Variants in KIF13B observed in about 807,000 individuals in gnomAD.
KIF13B encodes the protein kinesin-like protein KIF13B.
KIF13B carries 127 observed loss-of-function variants against 222.0 expected under a neutral mutation model. The observed-to-expected ratio is 0.57, with a 90% confidence interval of 0.50 to 0.66. KIF13B has a LOEUF of 0.66. KIF13B is among the 30% of genes least tolerant of loss of function. The probability of loss-of-function intolerance (pLI) is 0.00; values close to 1 mark genes in which losing one functional copy is unlikely to be tolerated. For missense variants in KIF13B, 2,173 were observed against 2,379.0 expected (o/e 0.91, Z 1.80); for synonymous variants, 976 against 919.0 (o/e 1.06, Z -1.12).
chr8:29,183,376 T>C (rs921430818), intron 6 of KIF13B, among the ~76,000 whole-genome samples: 11 of 152,112 alleles, frequency 7.2e-5, no homozygotes, highest in African/African-American at 2.2e-4. Context: ...GGTCTCGAAC[T>C]CCTGACCCCA....
rs1036351036 is a variant in KIF13B, at chr8:29,069,909, G to A, written c.*595C>T. On this transcript the variant is annotated 3_prime_UTR_variant, in exon 40 of 40. Coordinates refer to ENST00000524189, the MANE Select transcript of KIF13B (RefSeq NM_015254.4). Reference sequence around the variant, plus strand: ...GCTCAGGCCCTCGGCCCCCGTCTGGGGCACCAGGACCATCTGCCAGAGCCC... The same window carrying A: ...GCTCAGGCCCTCGGCCCCCGTCTGGAGCACCAGGACCATCTGCCAGAGCCC... 1 of 152,174 alleles carries A rather than the reference G, an allele frequency of 6.6e-6. No homozygotes were observed. The highest frequency in any genetic ancestry group is 2.4e-5 in the African/African-American group (1 of 41,388). The allele number at this position is 152,174 out of a possible 1,614,324, so 9.4% of individuals were successfully genotyped here.
Position 29,258,913 on chromosome 8 carries a change from G to A in KIF13B, c.55+4067C>T, listed in dbSNP as rs567774618. ...TTTCCTCACAGGCATGAACCATAAA[G>A]CATGCTTTAAGAAACTGAATATGAT... On this transcript the variant is annotated intron_variant, in intron 1 of 39. Coordinates refer to ENST00000524189, the MANE Select transcript of KIF13B (RefSeq NM_015254.4). 3.9e-4 allele frequency among the ~76,000 whole-genome samples: 59 copies of A among 152,178 alleles called. 1 individual carries two copies. The highest frequency in any genetic ancestry group is 1.1e-3 in the African/African-American group (45 of 41,510).
chr8:29,165,621 G>A, intron 12 of KIF13B, 41 bp downstream of exon 12: 2 of 1,312,818 alleles, frequency 1.5e-6, no homozygotes, highest in Non-Finnish European at 2.2e-6. Context: ...TGTGCAAACT[G>A]CCATGAGGTT....
intron 2 of KIF13B, among the ~76,000 whole-genome samples, chr8:29,203,388 C>T (rs1813784441): frequency 6.6e-6 from 1 of 152,150 alleles, no homozygotes; most frequent in Non-Finnish European, 1.5e-5. Context: ...TTATTAAACT[C>T]ATGATTAAAT....
chr8:29,204,753 G>A (rs1377785067), intron 2 of KIF13B, among the ~76,000 whole-genome samples: 1 of 151,932 alleles, frequency 6.6e-6, no homozygotes, highest in Non-Finnish European at 1.5e-5. Context: ...CCAGACATCT[G>A]GCCTTCGGCC....
intron 12 of KIF13B, among the ~76,000 whole-genome samples, chr8:29,163,593 T>A (rs1811872751): frequency 6.6e-6 from 1 of 152,186 alleles, no homozygotes; most frequent in Non-Finnish European, 1.5e-5. Flanking sequence ...AGAAATAGAT[T>A]TTGAAAGATA....
intron 37 of KIF13B, among the ~76,000 whole-genome samples, chr8:29,083,050 G>A (rs1807883184): frequency 6.6e-6 from 1 of 151,900 alleles, no homozygotes; most frequent in African/African-American, 2.4e-5. Context: ...AATCACTTGA[G>A]CCCAGGAGGT....
rs1350613947 is a variant in KIF13B at position 29,071,977 on chromosome 8, G to C, written c.4861C>G (p.Pro1621Ala). ...PPPTAVPAEE[P>A]PGPQQLVSPG... ...CTCACGAGCTGCTGGGGGCCAGGGGGCTCCTCGGCGGGGACGGCCGTGGGC... is the reference window on the plus strand; with the variant it reads ...CTCACGAGCTGCTGGGGGCCAGGGGCCTCCTCGGCGGGGACGGCCGTGGGC... Residue 1621 changes from proline (P) to alanine (A), a missense_variant, in exon 39 of 40, where the codon CCC (proline) becomes GCC (alanine). Pro to Ala is a conservative substitution (Grantham distance 27, BLOSUM62 -1). Coordinates refer to ENST00000524189, the MANE Select transcript of KIF13B (RefSeq NM_015254.4). The surrounding 1 kb of genome is among the most constrained non-coding windows in gnomAD (Gnocchi z 4.9). The C allele has an allele frequency of 1.4e-5, 19 of 1,317,244 alleles. No homozygotes were observed. In the East Asian group the frequency reaches 2.4e-4, roughly 16 times the overall value. 81.6% of individuals were successfully genotyped at this position (1,317,244 alleles called of 1,614,324 possible).
At chr8:29,244,238 C>T (rs1223661152) in intron 2 of KIF13B, among the ~76,000 whole-genome samples, 1 of 152,222 alleles carries the variant, frequency 6.6e-6, no homozygotes, top group Admixed American at 6.5e-5. Context: ...TGGTCTCGAT[C>T]TCCTGACCTC....
chr8:29,085,277 A>C (rs1807990427), intron 37 of KIF13B, among the ~76,000 whole-genome samples: 1 of 152,236 alleles, frequency 6.6e-6, no homozygotes, highest in African/African-American at 2.4e-5. Flanking sequence ...GTATCTTTGC[A>C]TGAGGGAGGG....
At chr8:29,210,541 T>C (rs961684813) in intron 2 of KIF13B, among the ~76,000 whole-genome samples, 1 of 152,196 alleles carries the variant, frequency 6.6e-6, no homozygotes, top group Non-Finnish European at 1.5e-5. Flanking sequence ...GCTCCATTTT[T>C]CGTTTAGTTT....
chr8:29,221,465 T>TTA (rs1690460404), intron 2 of KIF13B, among the ~76,000 whole-genome samples: 1 of 130,700 alleles, frequency 7.7e-6, no homozygotes, highest in Non-Finnish European at 1.6e-5. Context: ...ACCCTGTATT[T>TTA]AAAAAAAAAA....
intron 38 of KIF13B, among the ~76,000 whole-genome samples, chr8:29,074,012 T>G (rs1046623709): frequency 1.3e-5 from 2 of 152,196 alleles, no homozygotes; most frequent in African/African-American, 2.4e-5. Flanking sequence ...AGTTTTAATA[T>G]CACTGACCCA....
chr8:29,165,914 G>A, intron 11 of KIF13B, 142 bp from the exon 12 acceptor site: 1 of 673,746 alleles, frequency 1.5e-6, no homozygotes, highest in Non-Finnish European at 2.5e-6. Context: ...TTCGATTGTA[G>A]ATCGAAGTAC....
At chr8:29,232,747 C>T (rs1815341185) in intron 2 of KIF13B, among the ~76,000 whole-genome samples, 1 of 152,110 alleles carries the variant, frequency 6.6e-6, no homozygotes, top group Admixed American at 6.5e-5. Flanking sequence ...TTCCAGGATC[C>T]ATCATAGATA....
chr8:29,181,925 G>T lies in KIF13B; in HGVS notation c.579C>A (p.Ser193Arg). ...ACATACAGGATGTTGTTACCTTGTA[G>T]CTTGTGACAGCCAGTTTAGAAAGTC... The part of the protein sequence containing the change: ...VDGLSKLAVT[S>R]YKDIESLMSE... The change falls in exon 7 of 40, where the codon AGC (serine) becomes AGA (arginine). Residue 193 changes from serine to arginine, a missense_variant. Ser to Arg is a moderately radical substitution (Grantham distance 110). Coordinates refer to ENST00000524189, the MANE Select transcript of KIF13B (RefSeq NM_015254.4). The T allele has an allele frequency of 6.2e-7, 1 of 1,612,206 alleles. No individual in the cohort carries two copies. Among genetic ancestry groups the T allele is most frequent in the Admixed American group, 1.7e-5 (1 of 59,968 alleles).
At chr8:29,163,235 A>G (rs191530144) in intron 12 of KIF13B, among the ~76,000 whole-genome samples, 1 of 152,332 alleles carries the variant, frequency 6.6e-6, no homozygotes, top group African/African-American at 2.4e-5. Flanking sequence ...TTTTTTCTTA[A>G]GAACTTACAA....
At chr8:29,153,458 A>C (rs1381541565) in intron 14 of KIF13B, among the ~76,000 whole-genome samples, 1 of 151,804 alleles carries the variant, frequency 6.6e-6, no homozygotes, top group Non-Finnish European at 1.5e-5. Context: ...GGCATTCAAC[A>C]GAAGTGGTGG....
intron 2 of KIF13B, among the ~76,000 whole-genome samples, chr8:29,199,574 CAAAA>C (rs10579222): frequency 0.13 from 15,652 of 119,478 alleles, 975 homozygotes; most frequent in Middle Eastern, 0.15. Context: ...TTCCAAAATC[CAAAA>C]AAAAAAAAAA....
Sources: allele counts gnomAD v4.1 joint callset (sites outside exome capture counted in the v4.1 genomes callset), GRCh38; gene constraint gnomAD v4.1.1; non-coding constraint Gnocchi (gnomAD v3.1); transcripts MANE v1.5; gene names NCBI Gene and HGNC (gene_info 2026-07-23, HGNC 2026-07-21).